YBX3: variants seen among roughly 807,000 people sequenced by gnomAD.
YBX3 encodes the protein Y-box-binding protein 3.
In YBX3, 29 loss-of-function variants were observed where a neutral mutation model predicts 42.4. That is an observed-to-expected ratio of 0.68 (90% CI 0.51 to 0.93). YBX3 has a LOEUF of 0.93. Ranked by LOEUF, YBX3 falls within the 40% of genes least tolerant of loss-of-function variation. The pLI, the probability that YBX3 is intolerant of heterozygous loss-of-function variation, is 0.00. For missense variants in YBX3, 517 were observed against 527.5 expected (o/e 0.98, Z 0.19); for synonymous variants, 195 against 189.8 (o/e 1.03, Z -0.22).
rs547666087 is a variant in YBX3 at position 10,713,743 on chromosome 12, G to A, written c.451-410C>T. 7.9e-5 allele frequency among the ~76,000 whole-genome samples: 12 copies of A among 152,320 alleles called. No homozygotes were observed. The South Asian group carries it at 1.9e-3, about 24-fold the overall frequency. On this transcript the variant is annotated intron_variant, in intron 4 of 9. Transcript: ENST00000228251. ...ATGTTAGTCTAGGAGGTACCAAGAG[G>A]ACAATCCCTATTCATGGGCTCATAT...
chr12:10,719,125 G>A lies in YBX3; in HGVS notation c.281C>T (p.Thr94Ile), dbSNP rs943519073. The A allele has an allele frequency of 3.1e-6, 5 of 1,613,486 alleles. No individual in the cohort carries two copies. The highest frequency in any genetic ancestry group is 4.2e-6 in the Non-Finnish European group (5 of 1,179,728). ...KKVLATKVLG[T>I]VKWFNVRNGY... ...ATTTCTGACGTTGAACCATTTGACA[G>A]TGCCAAGGACTTTGGTGGCTAAAAT... Residue 94 changes from threonine (T) to isoleucine (I), a missense_variant, in exon 2 of 10, where the codon ACT becomes ATT. Physicochemically the swap from Thr to Ile is moderately conservative, Grantham distance 89 (BLOSUM62 -1). Around this residue, in one of 3 missense-constraint regions of YBX3, gnomAD observed 420 missense variants for 408.5 expected, o/e 1.03. Coordinates refer to ENST00000228251, the MANE Select transcript of YBX3 (RefSeq NM_003651.5).
At chr12:10,712,336 T>C (rs910616310) in intron 5 of YBX3, 3 of 152,178 alleles carry the variant, frequency 2.0e-5, no homozygotes, top group Non-Finnish European at 4.4e-5. Context: ...ACAAATATAC[T>C]GGGTCCGTTT....
Position 10,701,209 on chromosome 12 carries a change from T to G in YBX3, c.*34+45A>C, listed in dbSNP as rs112897270. 1,681 of 754,082 alleles carry G rather than the reference T, an allele frequency of 2.2e-3. 2 individuals carry two copies. The highest frequency in any genetic ancestry group is 3.5e-3 in the Non-Finnish European group (1,445 of 409,866). 46.7% of individuals were successfully genotyped at this position (754,082 alleles called of 1,614,324 possible). A position where few individuals can be genotyped will look rare whatever the true frequency, so the allele number is the denominator to read the frequency against. On this transcript the variant is annotated intron_variant, in intron 9 of 9. Transcript: ENST00000228251. ...ACTCTTGTTGAGAAACCAGTGATAC[T>G]AAAAAGAAAATACCAACTCAAGACT...
intron 8 of YBX3, among the ~76,000 whole-genome samples, 168 bp downstream of exon 8, chr12:10,701,792 G>A (rs887003608): frequency 4.6e-5 from 7 of 152,180 alleles, no homozygotes; most frequent in Non-Finnish European, 8.8e-5. Flanking sequence ...ATTCAAATAT[G>A]TGGTCTGTGT....
chr12:10,704,068 G>GT lies in YBX3; in HGVS notation c.860dup (p.Tyr287Ter). 1 of 1,614,160 alleles carries GT rather than the reference G, an allele frequency of 6.2e-7. No individual in the cohort carries two copies. The highest frequency in any genetic ancestry group is 8.5e-7 in the Non-Finnish European group (1 of 1,180,030). Residue 287 changes from tyrosine to a stop codon, truncating the protein, a stop_gained and frameshift_variant, in exon 7 of 10, where the codon TAC (tyrosine) becomes TAAC (stop). Coordinates refer to ENST00000228251, the MANE Select transcript of YBX3 (RefSeq NM_003651.5). LOFTEE classifies it high-confidence loss of function. ...LQGPVHRNPTYRPRYRSRGPP... is the reference protein window; with the variant it reads ...LQGPVHRNPT Reference sequence around the variant, plus strand: ...CGACATACCTACGGTACCTTGGGCGGTAAGTTGGATTTCGATGAACCGGTC... The same window carrying GT: ...CGACATACCTACGGTACCTTGGGCGGTTAAGTTGGATTTCGATGAACCGGTC...
chr12:10,704,799 T>C (rs528962171), intron 6 of YBX3, among the ~76,000 whole-genome samples: 1 of 152,340 alleles, frequency 6.6e-6, no homozygotes, highest in South Asian at 2.1e-4. Flanking sequence ...AGTTCATATC[T>C]GAAACCAACA....
chr12:10,701,600 A>G (rs867842289), intron 8 of YBX3, among the ~76,000 whole-genome samples: 16 of 134,164 alleles, frequency 1.2e-4, no homozygotes, highest in Middle Eastern at 7.9e-3. Context: ...CCATATAAGA[A>G]CAGCTTACAA....
At chr12:10,717,512 A>G (rs1238934663) in intron 3 of YBX3, among the ~76,000 whole-genome samples, 2 of 152,238 alleles carry the variant, frequency 1.3e-5, no homozygotes, top group Admixed American at 6.5e-5. Context: ...GAGAAGCTCC[A>G]TATCTTACCC....
chr12:10,711,094 A>C (rs1948194929), intron 5 of YBX3: 1 of 152,060 alleles, frequency 6.6e-6, no homozygotes, highest in East Asian at 1.9e-4. Flanking sequence ...CTAATCCTGG[A>C]GGTTTCTAAA....
At chr12:10,709,881 G>C in intron 6 of YBX3, 27 bp downstream of exon 6, 1 of 1,612,304 alleles carries the variant, frequency 6.2e-7, no homozygotes, top group Non-Finnish European at 8.5e-7. Flanking sequence ...GAGGATTGCT[G>C]AAGAGAAGTC....
chr12:10,701,539 A>G (rs979663253), intron 8 of YBX3, among the ~76,000 whole-genome samples, 186 bp from the exon 9 acceptor site: 6 of 152,288 alleles, frequency 3.9e-5, no homozygotes, highest in Admixed American at 2.6e-4. Context: ...CCAAAACAAA[A>G]CGAAACCAAA....
In YBX3 at chr12:10,723,118, T is replaced by A; in HGVS notation, c.-7A>T. 2 of 1,202,192 alleles carry A rather than the reference T, an allele frequency of 1.7e-6. No individual in the cohort carries two copies. Among genetic ancestry groups the A allele is most frequent in the Non-Finnish European group, 2.1e-6 (2 of 969,622 alleles). The allele number at this position is 1,202,192 out of a possible 1,614,324, so 74.5% of individuals were successfully genotyped here. A position where few individuals can be genotyped will look rare whatever the true frequency, so the allele number is the denominator to read the frequency against. On this transcript the variant is annotated 5_prime_UTR_variant, in exon 1 of 10. Transcript: ENST00000228251. ...CCTCGCCCGCCTCACTCATGCCTCC[T>A]CCTCCTCTGCTCTCGCTCAGGCGCC...
At chr12:10,700,180 A>G (rs1250703298) in intron 9 of YBX3, among the ~76,000 whole-genome samples, 1 of 152,212 alleles carries the variant, frequency 6.6e-6, no homozygotes, top group Non-Finnish European at 1.5e-5. Context: ...TTTCTGTGAC[A>G]AACTGTCCAT....
At chr12:10,711,506 T>C (rs540317460) in intron 5 of YBX3, 1 of 152,332 alleles carries the variant, frequency 6.6e-6, no homozygotes, top group South Asian at 2.1e-4. Context: ...AAACGTTTAT[T>C]TGCACAGAAA....
intron 7 of YBX3, chr12:10,702,744 AAGAAG>A (rs1948096127): frequency 1.3e-5 from 2 of 152,232 alleles, no homozygotes; most frequent in South Asian, 4.1e-4. Flanking sequence ...TAAAAAAGAA[AAGAAG>A]AGTAGTCTGG....
chr12:10,703,074 T>G (rs1039894856), intron 7 of YBX3: 2 of 152,174 alleles, frequency 1.3e-5, no homozygotes, highest in Non-Finnish European at 2.9e-5. Context: ...AAGACATTTC[T>G]ATGCCGTCTC....
At chr12:10,719,006 C>T in intron 2 of YBX3, 74 bp downstream of exon 2, 1 of 1,415,994 alleles carries the variant, frequency 7.1e-7, no homozygotes, top group Non-Finnish European at 9.9e-7. Context: ...TTAATGAAGG[C>T]TAAGGGATTT....
In YBX3 at chr12:10,701,951, T is replaced by G. The variant is rs1948084719; in HGVS notation, c.1053+9A>C. The G allele has an allele frequency of 1.2e-6, 2 of 1,608,980 alleles. No individual in the cohort carries two copies. The highest frequency in any genetic ancestry group is 1.7e-6 in the Non-Finnish European group (2 of 1,177,412). On this transcript the variant is annotated intron_variant, in intron 8 of 9. Coordinates refer to ENST00000228251, the MANE Select transcript of YBX3 (RefSeq NM_003651.5). ...TCTGGCAACATCCGCCCTGACTGGT[T>G]GGATTTACCTCTTTGCCATCTTGTG...
chr12:10,710,968 T>C (rs1325047374), intron 5 of YBX3: 1 of 159,716 alleles, frequency 6.3e-6, no homozygotes, highest in Admixed American at 6.4e-5. Flanking sequence ...CTCAATAACA[T>C]GTAAGCATAT....
Sources: allele counts gnomAD v4.1 joint callset (sites outside exome capture counted in the v4.1 genomes callset), GRCh38; gene constraint gnomAD v4.1.1; regional missense constraint gnomAD v4.1.1; transcripts MANE v1.5; gene names NCBI Gene and HGNC (gene_info 2026-07-23, HGNC 2026-07-21).